Variants in GAB2 observed in about 807,000 individuals in gnomAD.
GAB2 encodes GRB2 associated binding protein 2.
Under a neutral mutation model 65.5 loss-of-function variants are expected in GAB2, and 26 were observed. That is an observed-to-expected ratio of 0.40 (90% CI 0.29 to 0.55). GAB2 has a LOEUF of 0.55. Among genes scored for constraint, GAB2 ranks in the 20% least tolerant of loss-of-function variants. The pLI, the probability that GAB2 is intolerant of heterozygous loss-of-function variation, is 0.53. For synonymous variants in GAB2, 321 were observed against 329.6 expected (o/e 0.97, Z 0.28); for missense variants, 884 against 875.8 (o/e 1.01, Z -0.12).
In GAB2 at chr11:78,236,347, C is replaced by T. The variant is rs537997000; in HGVS notation, c.621-9296G>A. Among the ~76,000 whole-genome samples the T allele has an allele frequency of 3.9e-5, 6 of 152,284 alleles. No individual in the cohort carries two copies. In the South Asian group the frequency reaches 1.2e-3, roughly 32 times the overall value. ...TTTGTTGTTAAAATACACAGGGTTT[C>T]GCCATGTTGCTCAGGCTGGTCTCGA... On this transcript the variant is annotated intron_variant, in intron 3 of 9. Transcript: ENST00000361507.
At position 78,220,350 on chromosome 11, in the gene GAB2, A is replaced by T; in HGVS notation, c.1856T>A (p.Phe619Tyr). Reference sequence around the variant, plus strand: ...GTGGGGGCTTGGGGAGCTCGGCTGGAAGTCCAGGGCCAGATAATCAACGCT... The same window carrying T: ...GTGGGGGCTTGGGGAGCTCGGCTGGTAGTCCAGGGCCAGATAATCAACGCT... The part of the protein sequence containing the change: ...TGSVDYLALD[F>Y]QPSSPSPHRK... The change falls in exon 9 of 10, where the codon TTC becomes TAC. Residue 619 changes from phenylalanine (F) to tyrosine (Y), a missense_variant. Phe to Tyr is a conservative substitution (Grantham distance 22, BLOSUM62 3). Coordinates refer to ENST00000361507, the MANE Select transcript of GAB2 (RefSeq NM_080491.3). The T allele has an allele frequency of 6.2e-7, 1 of 1,613,034 alleles. No homozygotes were observed. The highest frequency in any genetic ancestry group is 1.1e-5 in the South Asian group (1 of 90,988).
At chr11:78,226,267 A>G (rs1025169754) in intron 4 of GAB2, among the ~76,000 whole-genome samples, 198 bp downstream of exon 4, 2 of 152,214 alleles carry the variant, frequency 1.3e-5, no homozygotes, top group Non-Finnish European at 2.9e-5. Flanking sequence ...CTGTTAGACA[A>G]CTACTACTAA....
chr11:78,324,611 T>C (rs879902963), intron 1 of GAB2: 19 of 152,130 alleles, frequency 1.2e-4, no homozygotes, highest in Admixed American at 1.2e-3. Context: ...AAGGGGAATA[T>C]CAATCCATAT....
At chr11:78,298,466 G>C (rs915771520) in intron 1 of GAB2, among the ~76,000 whole-genome samples, 2 of 152,168 alleles carry the variant, frequency 1.3e-5, no homozygotes, top group African/African-American at 2.4e-5. Flanking sequence ...AATTTGATGT[G>C]TATGAGAGAG....
intron 2 of GAB2, among the ~76,000 whole-genome samples, chr11:78,271,415 C>T (rs984853900): frequency 8.5e-5 from 13 of 152,234 alleles, no homozygotes; most frequent in Non-Finnish European, 8.8e-5. Flanking sequence ...CCTTCTAGAA[C>T]ATCATTCCTG....
At chr11:78,251,555 C>G (rs1385413370) in intron 2 of GAB2, among the ~76,000 whole-genome samples, 3 of 152,206 alleles carry the variant, frequency 2.0e-5, no homozygotes, top group Non-Finnish European at 4.4e-5. Context: ...CTGCTTTTCT[C>G]CACCCATAAA....
chr11:78,270,734 G>A (rs2512542), intron 2 of GAB2, among the ~76,000 whole-genome samples: 43,979 of 152,066 alleles, frequency 0.29, 8,084 homozygotes, highest in African/African-American at 0.51. Flanking sequence ...TACAGACATA[G>A]AAATCATCAC....
chr11:78,299,291 C>T (rs1866926189), intron 1 of GAB2, among the ~76,000 whole-genome samples: 1 of 152,124 alleles, frequency 6.6e-6, no homozygotes, highest in Non-Finnish European at 1.5e-5. Flanking sequence ...TGGGCCATTT[C>T]CTCATCTATA....
At chr11:78,404,631 T>C (rs142876910) in intron 1 of GAB2, among the ~76,000 whole-genome samples, 11 of 152,344 alleles carry the variant, frequency 7.2e-5, no homozygotes, top group Non-Finnish European at 1.5e-4. Flanking sequence ...CTGGAGGACA[T>C]TATGTTAAGC....
intron 2 of GAB2, among the ~76,000 whole-genome samples, chr11:78,261,067 GTA>G (rs889646192): frequency 7.3e-6 from 1 of 136,100 alleles, no homozygotes. Context: ...ATGTATGTAT[GTA>G]TATATATATG....
At chr11:78,243,334 G>A (rs978052678) in intron 3 of GAB2, among the ~76,000 whole-genome samples, 1 of 152,130 alleles carries the variant, frequency 6.6e-6, no homozygotes, top group Non-Finnish European at 1.5e-5. Flanking sequence ...CAGGAGTGGT[G>A]GTGGGCGCCT....
intron 1 of GAB2, among the ~76,000 whole-genome samples, chr11:78,405,242 G>A (rs1351671033): frequency 6.6e-6 from 1 of 152,000 alleles, no homozygotes; most frequent in Non-Finnish European, 1.5e-5. Flanking sequence ...GGAACTACAG[G>A]TGCCTGCCAC....
chr11:78,270,196 G>A (rs1160944283), intron 2 of GAB2, among the ~76,000 whole-genome samples: 1 of 152,046 alleles, frequency 6.6e-6, no homozygotes, highest in Non-Finnish European at 1.5e-5. Flanking sequence ...GCATGGTAGT[G>A]TGCGCCTGTA....
chr11:78,223,927 A>G (rs368960200), intron 5 of GAB2, among the ~76,000 whole-genome samples: 1 of 152,104 alleles, frequency 6.6e-6, no homozygotes, highest in Non-Finnish European at 1.5e-5. Context: ...CTAAAAATCC[A>G]AAGTATTAGC....
intron 2 of GAB2, among the ~76,000 whole-genome samples, chr11:78,252,359 T>G (rs2134527212): frequency 6.6e-6 from 1 of 152,338 alleles, no homozygotes; most frequent in Middle Eastern, 3.4e-3. Context: ...GTTAACAGAA[T>G]CGATAGCTCA....
At chr11:78,291,478 A>C (rs1382022568) in intron 1 of GAB2, among the ~76,000 whole-genome samples, 1 of 150,782 alleles carries the variant, frequency 6.6e-6, no homozygotes, top group East Asian at 1.9e-4. Flanking sequence ...TCTCAAAAAA[A>C]AAAAAGAGTA....
chr11:78,227,464 A>G (rs923991495), intron 3 of GAB2, among the ~76,000 whole-genome samples: 2 of 152,148 alleles, frequency 1.3e-5, no homozygotes, highest in African/African-American at 4.8e-5. Context: ...CTGTGAAACT[A>G]GCCCATGGGT....
intron 1 of GAB2, among the ~76,000 whole-genome samples, chr11:78,368,956 AAATT>A (rs1856533620): frequency 6.6e-6 from 1 of 151,860 alleles, no homozygotes; most frequent in African/African-American, 2.4e-5. Context: ...AATTTGTTTA[AAATT>A]AATAAATTTA....
chr11:78,309,926 ATGTGTGTGTGTGTGTGTGTGTGTGTG>A (rs60718900), intron 1 of GAB2, among the ~76,000 whole-genome samples: 4 of 135,592 alleles, frequency 3.0e-5, no homozygotes, highest in East Asian at 2.2e-4. Context: ...AGGGTTAGAA[ATGTGTGTGTGTGTGTGTGTGTGTGTG>A]TGTGTGTGTG....
Sources: gnomAD v4.1 joint callset for allele counts (sites outside exome capture counted in the v4.1 genomes callset) on GRCh38, gnomAD v4.1.1 for gene constraint, MANE v1.5 for transcripts, NCBI Gene and HGNC (gene_info 2026-07-23, HGNC 2026-07-21) for gene names.